IMMP2L: variants seen among roughly 807,000 people sequenced by gnomAD.
The protein encoded by IMMP2L is inner mitochondrial membrane peptidase subunit 2.
In IMMP2L, 18 loss-of-function variants were observed where a neutral mutation model predicts 19.3. That is an observed-to-expected ratio of 0.93 (90% CI 0.64 to 1.38). The LOEUF is 1.38. Ranked by LOEUF, IMMP2L falls within the 40% of genes most tolerant of loss-of-function variation. The pLI, the probability that IMMP2L is intolerant of heterozygous loss-of-function variation, is 0.00. For missense variants in IMMP2L, 233 were observed against 218.2 expected (o/e 1.07, Z -0.43); for synonymous variants, 76 against 73.0 (o/e 1.04, Z -0.21).
chr7:110,729,425 A>G (rs1469136680), intron 5 of IMMP2L, among the ~76,000 whole-genome samples: 1 of 152,160 alleles, frequency 6.6e-6, no homozygotes, highest in Admixed American at 6.5e-5. Context: ...CTCACTCACT[A>G]TCACGAGAAT....
At chr7:111,125,115 G>A in intron 3 of IMMP2L, 1 of 444,140 alleles carries the variant, frequency 2.3e-6, no homozygotes, top group African/African-American at 2.1e-5. Context: ...GGGTACTGTG[G>A]CAACCAAATA....
chr7:111,023,741 T>G (rs1161559493), intron 3 of IMMP2L, among the ~76,000 whole-genome samples: 1 of 151,992 alleles, frequency 6.6e-6, no homozygotes, highest in Non-Finnish European at 1.5e-5. Flanking sequence ...AATTGTAAGT[T>G]TATTCAAATT....
chr7:111,016,518 T>C (rs1422816728), intron 3 of IMMP2L, among the ~76,000 whole-genome samples: 1 of 118,292 alleles, frequency 8.5e-6, no homozygotes, highest in Non-Finnish European at 1.6e-5. Flanking sequence ...TATTTTATAT[T>C]ATATATGTAT....
chr7:111,271,354 C>T (rs1014641055), intron 3 of IMMP2L, among the ~76,000 whole-genome samples: 6 of 152,000 alleles, frequency 3.9e-5, no homozygotes, highest in African/African-American at 1.4e-4. Flanking sequence ...ATATACACAC[C>T]CAATGGAAGA....
At chr7:111,350,651 C>T (rs116353350) in intron 3 of IMMP2L, among the ~76,000 whole-genome samples, 3,020 of 152,114 alleles carry the variant, frequency 0.02, 105 homozygotes, top group African/African-American at 0.069. Flanking sequence ...TTCAGCTTGA[C>T]CTCACCATAG....
intron 4 of IMMP2L, among the ~76,000 whole-genome samples, chr7:110,909,926 CAGAGAG>C (rs139251144): frequency 1.2e-4 from 18 of 145,742 alleles, no homozygotes; most frequent in Non-Finnish European, 2.0e-4. Flanking sequence ...GAGAGATAGA[CAGAGAG>C]AGAGAGAGAG....
intron 1 of IMMP2L, among the ~76,000 whole-genome samples, chr7:111,523,718 C>T (rs1466264533): frequency 6.6e-6 from 1 of 152,096 alleles, no homozygotes; most frequent in African/African-American, 2.4e-5. Context: ...TTCATTCAAA[C>T]TCATCTAACA....
chr7:110,748,779 C>A (rs1222110404), intron 5 of IMMP2L, among the ~76,000 whole-genome samples: 2 of 152,086 alleles, frequency 1.3e-5, no homozygotes, highest in Non-Finnish European at 2.9e-5. Flanking sequence ...AACCTAAGAC[C>A]TAAAACCATA....
intron 3 of IMMP2L, among the ~76,000 whole-genome samples, chr7:111,224,103 C>A (rs117322252): frequency 1.5e-3 from 227 of 152,188 alleles, no homozygotes; most frequent in Non-Finnish European, 2.6e-3. Flanking sequence ...CCACTTCCCC[C>A]TCTCTCAACC....
intron 3 of IMMP2L, among the ~76,000 whole-genome samples, chr7:110,980,692 C>T (rs1585570142): frequency 6.6e-6 from 1 of 152,084 alleles, no homozygotes; most frequent in South Asian, 2.1e-4. Context: ...TTTTTTAAAA[C>T]TTTCATTCCA....
chr7:111,151,579 G>A (rs969458890), intron 3 of IMMP2L, among the ~76,000 whole-genome samples: 3 of 152,068 alleles, frequency 2.0e-5, no homozygotes, highest in African/African-American at 7.2e-5. Context: ...CGTAACATGT[G>A]GACCTCCTCT....
intron 3 of IMMP2L, among the ~76,000 whole-genome samples, chr7:110,988,551 C>A (rs1160933080): frequency 6.6e-6 from 1 of 152,042 alleles, no homozygotes; most frequent in Non-Finnish European, 1.5e-5. Context: ...TGGATAGCAA[C>A]CTTTGCTACA....
At position 110,883,906 on chromosome 7, in the gene IMMP2L, G is replaced by A. The variant is rs1055232459; in HGVS notation, c.408+2687C>T. ...GTGGAAAGTGTACAAGCTAACTGGA[G>A]GCCATAGAAAGAATCACATTTGTGT... On this transcript the variant is annotated intron_variant, in intron 5 of 5. Transcript: ENST00000405709. Among the ~76,000 whole-genome samples, 2 of 151,888 alleles carry A rather than the reference G, an allele frequency of 1.3e-5. 1 individual carries two copies. The highest frequency in any genetic ancestry group is 1.3e-4 in the Admixed American group (2 of 15,246).
intron 3 of IMMP2L, among the ~76,000 whole-genome samples, chr7:111,409,360 T>C (rs914609758): frequency 6.6e-6 from 1 of 151,560 alleles, no homozygotes; most frequent in African/African-American, 2.4e-5. Context: ...ACCAAGCATA[T>C]TAAAAGTCCC....
chr7:110,813,432 C>CTT (rs113097047), intron 5 of IMMP2L, among the ~76,000 whole-genome samples: 4 of 144,854 alleles, frequency 2.8e-5, no homozygotes, highest in Non-Finnish European at 3.0e-5. Context: ...ACATTTCTTT[C>CTT]TTTTTTTTTT....
intron 3 of IMMP2L, among the ~76,000 whole-genome samples, chr7:111,382,587 T>A (rs747752474): frequency 6.6e-6 from 1 of 152,080 alleles, no homozygotes; most frequent in Non-Finnish European, 1.5e-5. Flanking sequence ...TCATTTTTTA[T>A]TTTGGACATG....
At chr7:110,766,452 C>T (rs1026797203) in intron 5 of IMMP2L, among the ~76,000 whole-genome samples, 3 of 151,632 alleles carry the variant, frequency 2.0e-5, no homozygotes, top group Non-Finnish European at 4.4e-5. Context: ...ATTAGCCGGG[C>T]GTGGTGATGC....
At chr7:111,220,373 CAA>C (rs1415857531) in intron 3 of IMMP2L, among the ~76,000 whole-genome samples, 2 of 151,740 alleles carry the variant, frequency 1.3e-5, no homozygotes, top group East Asian at 3.9e-4. Context: ...GATTTTAAAA[CAA>C]ATCAGATGGT....
intron 2 of IMMP2L, among the ~76,000 whole-genome samples, chr7:111,496,356 C>G (rs1843592129): frequency 6.6e-6 from 1 of 152,026 alleles, no homozygotes; most frequent in African/African-American, 2.4e-5. Context: ...TACTTATTAC[C>G]CATACCCCTT....
Sources: allele counts gnomAD v4.1 joint callset (sites outside exome capture counted in the v4.1 genomes callset), GRCh38; gene constraint gnomAD v4.1.1; transcripts MANE v1.5; gene names NCBI Gene and HGNC (gene_info 2026-07-23, HGNC 2026-07-21).